Variants in CD163L1 observed in about 807,000 individuals in gnomAD.
CD163L1 encodes the protein scavenger receptor cysteine-rich type 1 protein M160.
CD163L1 carries 124 observed loss-of-function variants against 165.4 expected under a neutral mutation model. That is an observed-to-expected ratio of 0.75 (90% CI 0.65 to 0.87). The LOEUF is 0.87. Among genes scored for constraint, CD163L1 ranks in the 40% least tolerant of loss-of-function variants. The pLI is 0.00. For missense variants in CD163L1, 1,525 were observed against 1,799.9 expected, an observed-to-expected ratio of 0.85 and a Z score of 2.76; for synonymous variants, 585 against 662.2, an observed-to-expected ratio of 0.88 and a Z score of 1.79.
chr12:7,391,831 C>T (rs911082072), intron 8 of CD163L1, among the ~76,000 whole-genome samples: 5 of 152,090 alleles, frequency 3.3e-5, no homozygotes, highest in African/African-American at 1.2e-4. Context: ...CAAAGAAGGC[C>T]ATTACATAAT....
intron 14 of CD163L1, among the ~76,000 whole-genome samples, chr12:7,370,034 A>G (rs1050549766): frequency 1.3e-5 from 2 of 152,134 alleles, no homozygotes; most frequent in African/African-American, 4.8e-5. Flanking sequence ...AAATATAACT[A>G]ATGTTCATTT....
intron 18 of CD163L1, among the ~76,000 whole-genome samples, chr12:7,366,744 T>C (rs894598135): frequency 1.3e-5 from 2 of 152,182 alleles, no homozygotes; most frequent in Non-Finnish European, 2.9e-5. Context: ...AATTCCATTA[T>C]AAGTTATTTC....
In CD163L1 at chr12:7,379,140, T is replaced by C. The variant is rs774662722; in HGVS notation, c.2209A>G (p.Ile737Val). The C allele has an allele frequency of 6.2e-6, 10 of 1,614,060 alleles. No individual in the cohort carries two copies. Among genetic ancestry groups the C allele is most frequent in the Admixed American group, 1.7e-5 (1 of 60,006 alleles). Residue 737 changes from isoleucine (I) to valine (V), a missense_variant, in exon 9 of 20, where the codon ATC becomes GTC. Coordinates refer to ENST00000313599, the MANE Select transcript of CD163L1 (RefSeq NM_174941.6). ...AAATGAGGCTCTCTGGAGACCCTGA[T>C]TGCAGACCCACATTCAAGTTGCCTG... ...VCRQLECGSA[I>V]RVSREPHFTE...
chr12:7,325,772 C>T, the CD163L1 span, among the ~76,000 whole-genome samples: 1 of 152,086 alleles, frequency 6.6e-6, no homozygotes, highest in East Asian at 1.9e-4. Flanking sequence ...AGGAGGAAGC[C>T]CTATTTTCAT....
At chr12:7,443,355 T>C (rs775610968) in intron 1 of CD163L1, among the ~76,000 whole-genome samples, 5 of 152,240 alleles carry the variant, frequency 3.3e-5, no homozygotes, top group Non-Finnish European at 5.9e-5. Flanking sequence ...TTAGGAGTTA[T>C]AAGTCCCAAA....
the CD163L1 span, among the ~76,000 whole-genome samples, chr12:7,319,233 G>A: frequency 1.3e-5 from 2 of 152,020 alleles, no homozygotes; most frequent in African/African-American, 4.8e-5. Context: ...TAGGGTTCAG[G>A]CTCCTATGAG....
chr12:7,439,724 T>C (rs1948787871), intron 2 of CD163L1: 1 of 1,610,974 alleles, frequency 6.2e-7, no homozygotes, highest in African/African-American at 1.3e-5. Flanking sequence ...GGCTCCCAGG[T>C]ATCGTCATCC....
chr12:7,432,370 C>A lies in CD163L1; in HGVS notation c.766+46G>T. 7.0e-7 allele frequency: 1 copy of A among 1,429,998 alleles called. No homozygotes were observed. Among genetic ancestry groups the A allele is most frequent in the South Asian group, 1.3e-5 (1 of 78,176 alleles). 88.6% of individuals were successfully genotyped at this position (1,429,998 alleles called of 1,614,324 possible). A position where few individuals can be genotyped will look rare whatever the true frequency, so the allele number is the denominator to read the frequency against. On this transcript the variant is annotated intron_variant, in intron 4 of 19. Coordinates refer to ENST00000313599, the MANE Select transcript of CD163L1 (RefSeq NM_174941.6). This position sits in a 1 kb window ranked among gnomAD's most constrained non-coding sequence, Gnocchi z 4.2. Reference sequence around the variant, plus strand: ...CTTTTTCTTTCCATACATACTGTTTCTAAACAAATTGTTCCTTTCTTCTAC... The same window carrying A: ...CTTTTTCTTTCCATACATACTGTTTATAAACAAATTGTTCCTTTCTTCTAC...
intron 9 of CD163L1, 57 bp downstream of exon 9, chr12:7,378,921 A>T (rs1489342108): frequency 3.3e-6 from 5 of 1,497,714 alleles, no homozygotes; most frequent in Non-Finnish European, 4.5e-6. Flanking sequence ...AACACGTATT[A>T]AATAAGTGCA....
chr12:7,408,554 T>C (rs1451577534), intron 4 of CD163L1, among the ~76,000 whole-genome samples: 1 of 152,238 alleles, frequency 6.6e-6, no homozygotes, highest in Non-Finnish European at 1.5e-5. Flanking sequence ...ATATTCAAAT[T>C]AGAGTAATTT....
Position 7,398,290 on chromosome 12 carries a change from C to T in CD163L1, c.1703G>A (p.Arg568Lys). ...SGWGKHNCVH[R>K]EDVIVTCSGD... is the part of the protein sequence containing the mutation. Reference sequence around the variant, plus strand: ...TGAGCAGGTTACAATCACATCCTCTCTGTGTACACAATTATGCTTTCCCCA... The same window carrying T: ...TGAGCAGGTTACAATCACATCCTCTTTGTGTACACAATTATGCTTTCCCCA... Residue 568 changes from arginine (R) to lysine (K), a missense_variant, in exon 7 of 20, where the codon AGA (arginine) becomes AAA (lysine). Arg to Lys is a conservative substitution (Grantham distance 26). Transcript: ENST00000313599. This position sits in a 1 kb window ranked among gnomAD's most constrained non-coding sequence, Gnocchi z 4.5. 1.2e-6 allele frequency: 2 copies of T among 1,613,840 alleles called. No homozygotes were observed. The highest frequency in any genetic ancestry group is 1.7e-6 in the Non-Finnish European group (2 of 1,179,834).
chr12:7,433,769 G>C, intron 2 of CD163L1, 75 bp from the exon 3 acceptor site: 1 of 1,055,972 alleles, frequency 9.5e-7, no homozygotes, highest in East Asian at 2.4e-5. Flanking sequence ...AGGTGAGATG[G>C]ATGATGATCA....
chr12:7,345,132 C>CT (rs75576901), downstream of CD163L1, among the ~76,000 whole-genome samples: 430 of 138,988 alleles, frequency 3.1e-3, 5 homozygotes, highest in East Asian at 6.4e-3. Context: ...ACTGATAATG[C>CT]TTTTTTTTTT....
At chr12:7,431,849 G>A (rs1012529777) in intron 4 of CD163L1, among the ~76,000 whole-genome samples, 4 of 152,148 alleles carry the variant, frequency 2.6e-5, no homozygotes, top group Non-Finnish European at 5.9e-5. Context: ...GAGTAAACAG[G>A]TATAAGAAGC....
At chr12:7,412,060 T>C (rs1195086947) in intron 4 of CD163L1, among the ~76,000 whole-genome samples, 2 of 152,208 alleles carry the variant, frequency 1.3e-5, no homozygotes, top group Non-Finnish European at 2.9e-5. Context: ...GGGTCATAAG[T>C]GAGACCAAGG....
the CD163L1 span, among the ~76,000 whole-genome samples, chr12:7,331,218 G>A: frequency 1.3e-5 from 2 of 152,236 alleles, no homozygotes; most frequent in Admixed American, 1.3e-4. Context: ...CAAACTGCAA[G>A]ATGGCAGCGA....
chr12:7,329,852 A>C, the CD163L1 span, among the ~76,000 whole-genome samples: 1 of 152,228 alleles, frequency 6.6e-6, no homozygotes, highest in East Asian at 1.9e-4. Context: ...CTTACCAAAT[A>C]CAAATAAATA....
intron 4 of CD163L1, among the ~76,000 whole-genome samples, chr12:7,407,788 C>CACACACACACACACACACACAG (rs1204395239): frequency 1.3e-4 from 20 of 149,862 alleles, no homozygotes; most frequent in African/African-American, 4.9e-4. Context: ...TCCATACACA[C>CACACACACACACACACACACAG]ACACACACAC....
chr12:7,333,204 A>G, the CD163L1 span, among the ~76,000 whole-genome samples: 2 of 152,170 alleles, frequency 1.3e-5, no homozygotes, highest in Non-Finnish European at 2.9e-5. Flanking sequence ...TCAGCACCAC[A>G]CCACACCTGT....
Sources: allele counts gnomAD v4.1 joint callset (sites outside exome capture counted in the v4.1 genomes callset), GRCh38; gene constraint gnomAD v4.1.1; non-coding constraint Gnocchi (gnomAD v3.1); transcripts MANE v1.5; gene names NCBI Gene and HGNC (gene_info 2026-07-23, HGNC 2026-07-21).